RALA: variants seen among roughly 807,000 people sequenced by gnomAD.
The protein encoded by RALA is ras-related protein Ral-A.
A neutral mutation model predicts 24.0 loss-of-function variants in RALA; 5 were observed. The ratio of observed to expected loss-of-function variants is 0.21; its 90% CI spans 0.11 to 0.44. RALA has a LOEUF of 0.44. Among genes scored for constraint, RALA ranks in the 20% least tolerant of loss-of-function variants. RALA has a pLI of 0.99. For missense variants in RALA, 95 were observed against 241.2 expected (o/e 0.39, Z 4.01); for synonymous variants, 77 against 83.8 (o/e 0.92, Z 0.44).
intron 1 of RALA, among the ~76,000 whole-genome samples, chr7:39,680,266 G>A (rs951692922): frequency 6.6e-6 from 1 of 151,994 alleles, no homozygotes; most frequent in African/African-American, 2.4e-5. Flanking sequence ...CTACTCGGGA[G>A]GCTGAGGCAA....
chr7:39,645,145 G>C (rs1791902822), intron 1 of RALA, among the ~76,000 whole-genome samples: 1 of 152,112 alleles, frequency 6.6e-6, no homozygotes, highest in African/African-American at 2.4e-5. Context: ...ACATCATCCA[G>C]GTTCAGAACT....
At position 39,630,892 on chromosome 7, in the gene RALA, G is replaced by C. The variant is rs1181024062; in HGVS notation, c.-38+7067G>C. Among the ~76,000 whole-genome samples the C allele has an allele frequency of 2.6e-5, 4 of 152,216 alleles. No homozygotes were observed. In the East Asian group the frequency reaches 7.7e-4, roughly 29 times the overall value. On this transcript the variant is annotated intron_variant, in intron 1 of 4. Transcript: ENST00000005257. ...GCTTTGTAGTATGTTTTAATGTTTG[G>C]TAGGGCTAGTCACCCATTATAGCGC...
At chr7:39,677,227 G>A (rs545472412) in intron 1 of RALA, among the ~76,000 whole-genome samples, 5 of 152,258 alleles carry the variant, frequency 3.3e-5, no homozygotes, top group African/African-American at 7.2e-5. Flanking sequence ...CAACCCTGTT[G>A]GCATCTTCTT....
rs564380909 is a variant in RALA, at chr7:39,686,530, T to C, written c.-37-101T>C. 2.1e-3 allele frequency: 1,302 copies of C among 634,306 alleles called. 4 individuals are homozygous for C. Among genetic ancestry groups the C allele is most frequent in the Non-Finnish European group, 3.1e-3 (1,130 of 368,158 alleles). The allele number at this position is 634,306 out of a possible 1,614,324, so 39.3% of individuals were successfully genotyped here. On this transcript the variant is annotated intron_variant, in intron 1 of 4. Transcript: ENST00000005257. The stretch of plus-strand genomic sequence containing the variant: ...GCCATCTGTTTAAAATCACTACAGA[T>C]TGAAAACTAGTATATTGAACTCTAA...
Position 39,671,505 on chromosome 7 carries a change from C to T in RALA, c.-37-15126C>T, listed in dbSNP as rs566820710. On this transcript the variant is annotated intron_variant, in intron 1 of 4. Transcript: ENST00000005257. ...TAAAAAGACGCCTGAATATTTGTTA[C>T]GCTTTATTGAATAATTATTTAGGCA... is the stretch of plus-strand genomic sequence containing the variant. Among the ~76,000 whole-genome samples the T allele has an allele frequency of 4.6e-5, 7 of 152,070 alleles. No homozygotes were observed. The South Asian group carries it at 1.0e-3, about 23-fold the overall frequency.
chr7:39,665,721 T>C (rs988086993), intron 1 of RALA, among the ~76,000 whole-genome samples: 8 of 152,144 alleles, frequency 5.3e-5, no homozygotes, highest in African/African-American at 1.7e-4. Context: ...GTAGCTTTTC[T>C]GTGCCACCCG....
chr7:39,703,859 A>G (rs1793070991), intron 4 of RALA, among the ~76,000 whole-genome samples: 2 of 152,188 alleles, frequency 1.3e-5, no homozygotes, highest in Non-Finnish European at 2.9e-5. Flanking sequence ...CATTGCTGTC[A>G]CAAACAAACT....
chr7:39,650,442 G>A (rs1023177530), intron 1 of RALA, among the ~76,000 whole-genome samples: 1 of 152,162 alleles, frequency 6.6e-6, no homozygotes, highest in African/African-American at 2.4e-5. Flanking sequence ...TACAGTAACT[G>A]AAGAAAAGAT....
At chr7:39,646,631 A>G (rs1791927439) in intron 1 of RALA, among the ~76,000 whole-genome samples, 1 of 152,222 alleles carries the variant, frequency 6.6e-6, no homozygotes, top group Non-Finnish European at 1.5e-5. Flanking sequence ...TGTCTCAAAA[A>G]AAGATTGAAC....
intron 1 of RALA, among the ~76,000 whole-genome samples, chr7:39,683,367 C>T (rs555498024): frequency 6.6e-6 from 1 of 152,264 alleles, no homozygotes; most frequent in South Asian, 2.1e-4. Context: ...CTGGTTTCTT[C>T]AAAACATTCA....
chr7:39,659,411 A>G (rs1792148078), intron 1 of RALA, among the ~76,000 whole-genome samples: 1 of 151,134 alleles, frequency 6.6e-6, no homozygotes, highest in Non-Finnish European at 1.5e-5. Flanking sequence ...TTTTTCCCCT[A>G]GTTTGTAACT....
At chr7:39,683,572 C>G (rs1792643421) in intron 1 of RALA, among the ~76,000 whole-genome samples, 1 of 152,128 alleles carries the variant, frequency 6.6e-6, no homozygotes, top group Non-Finnish European at 1.5e-5. Flanking sequence ...AATATCTAGA[C>G]CAGGGCTTGG....
chr7:39,692,605 C>T (rs913145809), intron 3 of RALA, among the ~76,000 whole-genome samples: 2 of 152,154 alleles, frequency 1.3e-5, no homozygotes, highest in African/African-American at 4.8e-5. Context: ...TAAAACCAAT[C>T]TATTAACTCT....
At chr7:39,641,671 G>A (rs1791820093) in intron 1 of RALA, among the ~76,000 whole-genome samples, 1 of 152,132 alleles carries the variant, frequency 6.6e-6, no homozygotes, top group Admixed American at 6.5e-5. Flanking sequence ...TTTGTTTTAA[G>A]TAAGGATAAT....
chr7:39,685,943 C>T (rs986565411), intron 1 of RALA, among the ~76,000 whole-genome samples: 2 of 152,150 alleles, frequency 1.3e-5, no homozygotes, highest in African/African-American at 2.4e-5. Flanking sequence ...CGGTGGCTCA[C>T]GCCTGTAATC....
At chr7:39,676,006 C>T (rs1288718348) in intron 1 of RALA, among the ~76,000 whole-genome samples, 2 of 152,108 alleles carry the variant, frequency 1.3e-5, no homozygotes, top group Admixed American at 6.6e-5. Flanking sequence ...GAGGCAGTCT[C>T]ACTCTGTCAC....
At chr7:39,663,300 T>C (rs1195084900) in intron 1 of RALA, among the ~76,000 whole-genome samples, 1 of 152,222 alleles carries the variant, frequency 6.6e-6, no homozygotes, top group African/African-American at 2.4e-5. Flanking sequence ...ATGATACTAC[T>C]GTAATAATTT....
At chr7:39,644,032 A>T (rs949664032) in intron 1 of RALA, among the ~76,000 whole-genome samples, 2 of 152,094 alleles carry the variant, frequency 1.3e-5, no homozygotes, top group African/African-American at 2.4e-5. Flanking sequence ...GAAATCTTTT[A>T]AAAAATTATT....
At chr7:39,639,271 G>T (rs530974337) in intron 1 of RALA, among the ~76,000 whole-genome samples, 1 of 152,278 alleles carries the variant, frequency 6.6e-6, no homozygotes, top group Admixed American at 6.5e-5. Flanking sequence ...ATACAAACAA[G>T]TAAGACTATT....
Sources: allele counts gnomAD v4.1 joint callset (sites outside exome capture counted in the v4.1 genomes callset), GRCh38; gene constraint gnomAD v4.1.1; transcripts MANE v1.5; gene names NCBI Gene and HGNC (gene_info 2026-07-23, HGNC 2026-07-21).